Variants in RNASE4 observed in about 807,000 individuals in gnomAD.
RNASE4 encodes the protein ribonuclease A family member 4, also known as ribonuclease 4.
For missense variants in RNASE4, 194 were observed against 192.8 expected, an observed-to-expected ratio of 1.01 and a Z score of -0.04; for synonymous variants, 93 against 71.4, an observed-to-expected ratio of 1.30 and a Z score of -1.52.
At chr14:20,693,592 T>C in intron 1 of RNASE4, 1 of 1,613,604 alleles carries the variant, frequency 6.2e-7, no homozygotes, top group East Asian at 2.2e-5. Context: ...CGTTTTGTTG[T>C]TGGTCTTCGT....
intron 1 of RNASE4, among the ~76,000 whole-genome samples, chr14:20,687,994 T>G (rs1886502603): frequency 6.6e-6 from 1 of 152,222 alleles, no homozygotes; most frequent in Non-Finnish European, 1.5e-5. Flanking sequence ...ATGAGATCTA[T>G]AAGGTGATCC....
intron 1 of RNASE4, chr14:20,694,011 A>G: frequency 6.2e-7 from 1 of 1,614,166 alleles, no homozygotes; most frequent in Non-Finnish European, 8.5e-7. Context: ...GTCCGTAACC[A>G]GCGGGCCCCT....
intron 1 of RNASE4, among the ~76,000 whole-genome samples, chr14:20,698,542 T>C (rs1887168020): frequency 6.6e-6 from 1 of 152,262 alleles, no homozygotes; most frequent in Non-Finnish European, 1.5e-5. Context: ...TCATTTCACT[T>C]ATTAGTTCAT....
intron 1 of RNASE4, chr14:20,688,922 C>T: frequency 1.1e-6 from 1 of 943,492 alleles, no homozygotes; most frequent in South Asian, 4.9e-5. Flanking sequence ...AGCCATCCAT[C>T]CATTTTAATG....
intron 1 of RNASE4, among the ~76,000 whole-genome samples, chr14:20,695,915 G>C (rs1887077626): frequency 6.6e-6 from 1 of 152,172 alleles, no homozygotes; most frequent in Admixed American, 6.5e-5. Flanking sequence ...TAAGAAAATA[G>C]GAAAAAGTAT....
intron 1 of RNASE4, among the ~76,000 whole-genome samples, chr14:20,686,404 G>C (rs1316801997): frequency 2.0e-5 from 3 of 152,224 alleles, no homozygotes; most frequent in Non-Finnish European, 2.9e-5. Context: ...GGAAGCATTG[G>C]TCACTGTGAC....
intron 1 of RNASE4, among the ~76,000 whole-genome samples, chr14:20,693,276 T>C (rs562891168): frequency 6.6e-6 from 1 of 152,368 alleles, no homozygotes; most frequent in East Asian, 1.9e-4. Context: ...TTTGTAATGT[T>C]ACGACTGATA....
At chr14:20,694,014 G>A (rs537748610) in intron 1 of RNASE4, 59 of 1,613,918 alleles carry the variant, frequency 3.7e-5, no homozygotes, top group East Asian at 6.7e-5. Flanking sequence ...CGTAACCAGC[G>A]GGCCCCTGGT....
chr14:20,685,803 A>C (rs577139712), intron 1 of RNASE4, among the ~76,000 whole-genome samples: 1 of 152,158 alleles, frequency 6.6e-6, no homozygotes, highest in Admixed American at 6.5e-5. Context: ...GCACTTTGGG[A>C]GGCCGAGGTG....
intron 1 of RNASE4, among the ~76,000 whole-genome samples, chr14:20,694,505 G>A (rs964368065): frequency 1.7e-4 from 26 of 151,890 alleles, no homozygotes; most frequent in Non-Finnish European, 2.2e-4. Flanking sequence ...TCACCGTTTT[G>A]GCCAGGTTGG....
At chr14:20,696,121 G>A (rs1208207029) in intron 1 of RNASE4, among the ~76,000 whole-genome samples, 1 of 152,200 alleles carries the variant, frequency 6.6e-6, no homozygotes, top group Non-Finnish European at 1.5e-5. Context: ...GCAAGTGAAA[G>A]GCATGGACCA....
intron 1 of RNASE4, chr14:20,693,760 A>G: frequency 1.2e-6 from 2 of 1,614,244 alleles, no homozygotes; most frequent in Non-Finnish European, 1.7e-6. Context: ...CTGCAAAGAC[A>G]TCAACACATT....
rs368982058 is a variant in RNASE4 at position 20,697,737 on chromosome 14, C to T, written c.-17-1618C>T. On this transcript the variant is annotated intron_variant, in intron 1 of 1. Coordinates refer to ENST00000555835, the MANE Select transcript of RNASE4 (RefSeq NM_002937.5). ...ATCAAACTAGGAGTTCAACTGGGGT[C>T]AGTCCTTGGACTGCACATACAGAGT... Among the ~76,000 whole-genome samples, 16 of 152,342 alleles carry T rather than the reference C, an allele frequency of 1.1e-4. No homozygotes were observed. In the South Asian group the frequency reaches 3.3e-3, roughly 32 times the overall value.
At chr14:20,687,400 C>T (rs1886475579) in intron 1 of RNASE4, among the ~76,000 whole-genome samples, 1 of 152,248 alleles carries the variant, frequency 6.6e-6, no homozygotes, top group African/African-American at 2.4e-5. Context: ...CTCAGCACTA[C>T]TGCAGAACTC....
rs190854284 is a variant in RNASE4 at position 20,697,170 on chromosome 14, A to G, written c.-17-2185A>G. ...GCTGACGTCCTGGGTCTGCTCTCGC[A>G]TGCATAGGTGAGGTTTTCTCTGTAG... On this transcript the variant is annotated intron_variant, in intron 1 of 1. Coordinates refer to ENST00000555835, the MANE Select transcript of RNASE4 (RefSeq NM_002937.5). 4.7e-4 allele frequency among the ~76,000 whole-genome samples: 72 copies of G among 152,322 alleles called. 1 individual carries two copies. In the East Asian group the frequency reaches 0.013, roughly 27 times the overall value.
Position 20,699,152 on chromosome 14 carries a change from T to C in RNASE4, c.-17-203T>C, listed in dbSNP as rs1293556943. ...TCTCTGTAAATGAGAAAGGTCTTGC[T>C]TTCAGAAAAGATCATGTTTGCAAAC... On this transcript the variant is annotated intron_variant, in intron 1 of 1. Coordinates refer to ENST00000555835, the MANE Select transcript of RNASE4 (RefSeq NM_002937.5). The C allele has an allele frequency of 2.2e-5, 12 of 546,370 alleles. No homozygotes were observed. In the South Asian group the frequency reaches 2.4e-4, roughly 11 times the overall value. The allele number at this position is 546,370 out of a possible 1,614,324, so 33.8% of individuals were successfully genotyped here.
intron 1 of RNASE4, among the ~76,000 whole-genome samples, chr14:20,696,468 A>G (rs944438): frequency 0.32 from 49,293 of 151,998 alleles, 8,136 homozygotes; most frequent in Non-Finnish European, 0.35. Context: ...TGCAAGGAAA[A>G]AGAAGGAACA....
Position 20,699,720 on chromosome 14 carries a change from G to A in RNASE4, c.349G>A (p.Ala117Thr). 6.2e-7 allele frequency: 1 copy of A among 1,610,196 alleles called. No homozygotes were observed. The highest frequency in any genetic ancestry group is 8.5e-7 in the Non-Finnish European group (1 of 1,180,012). The change falls in exon 2 of 2, where the codon GCA becomes ACA. Residue 117 changes from alanine (A) to threonine (T), a missense_variant. Ala to Thr is a moderately conservative substitution (Grantham distance 58). Coordinates refer to ENST00000555835, the MANE Select transcript of RNASE4 (RefSeq NM_002937.5). ...TDCRDTGSSR[A>T]PNCRYRAIAS... The stretch of plus-strand genomic sequence containing the variant: ...TTGCAGGGACACAGGAAGTTCCAGG[G>A]CACCCAACTGCAGATATCGGGCCAT...
intron 1 of RNASE4, among the ~76,000 whole-genome samples, chr14:20,693,064 G>C (rs967577652): frequency 1.3e-5 from 2 of 151,678 alleles, no homozygotes; most frequent in Admixed American, 6.6e-5. Flanking sequence ...AGCCAGGATG[G>C]TCTCGATCTC....
Sources: allele counts gnomAD v4.1 joint callset (sites outside exome capture counted in the v4.1 genomes callset), GRCh38; gene constraint gnomAD v4.1.1; transcripts MANE v1.5; gene names NCBI Gene and HGNC (gene_info 2026-07-23, HGNC 2026-07-21).